The following PCNX2 variants were observed in gnomAD, a reference collection of about 807,000 sequenced individuals.
The protein encoded by PCNX2 is pecanex-like protein 2.
A neutral mutation model predicts 223.8 loss-of-function variants in PCNX2; 168 were observed. The ratio of observed to expected loss-of-function variants is 0.75; its 90% confidence interval spans 0.66 to 0.85. The LOEUF (loss-of-function observed/expected upper bound fraction) is 0.85, where lower values mean the gene tolerates loss of function less well. Among genes scored for constraint, PCNX2 ranks in the 40% least tolerant of loss-of-function variants. The pLI, the probability that PCNX2 is intolerant of heterozygous loss-of-function variation, is 0.00. For missense variants in PCNX2, 2,507 were observed against 2,675.5 expected, an observed-to-expected ratio of 0.94 and a Z score of 1.39; for synonymous variants, 1,006 against 1,052.6, an observed-to-expected ratio of 0.96 and a Z score of 0.86.
intron 25 of PCNX2, among the ~76,000 whole-genome samples, chr1:233,042,375 C>G (rs1671672904): frequency 6.6e-6 from 1 of 152,218 alleles, no homozygotes; most frequent in South Asian, 2.1e-4. Context: ...TGCTTCTTCT[C>G]TGCAGTGGTC....
intron 1 of PCNX2, among the ~76,000 whole-genome samples, chr1:233,275,020 A>G (rs1660836445): frequency 6.6e-6 from 1 of 152,244 alleles, no homozygotes; most frequent in Non-Finnish European, 1.5e-5. Context: ...ATGAAATCAC[A>G]TTTGTGAATG....
chr1:233,017,622 G>A (rs559213444), intron 26 of PCNX2, among the ~76,000 whole-genome samples: 6 of 151,502 alleles, frequency 4.0e-5, no homozygotes, highest in South Asian at 2.1e-4. Flanking sequence ...GGCCTAAAAC[G>A]TCCTCTCTTA....
chr1:233,280,187 C>A (rs1249252913), intron 1 of PCNX2, among the ~76,000 whole-genome samples: 1 of 152,122 alleles, frequency 6.6e-6, no homozygotes, highest in East Asian at 1.9e-4. Context: ...TCAATGGATA[C>A]CTGTTTCTAG....
At chr1:233,214,071 C>T (rs188341622) in intron 12 of PCNX2, among the ~76,000 whole-genome samples, 2 of 151,794 alleles carry the variant, frequency 1.3e-5, no homozygotes, top group African/African-American at 4.8e-5. Flanking sequence ...TTGTGATCCA[C>T]CCTCCTCGGC....
chr1:233,269,722 C>G (rs1324114026), intron 1 of PCNX2, among the ~76,000 whole-genome samples: 1 of 152,154 alleles, frequency 6.6e-6, no homozygotes, highest in Non-Finnish European at 1.5e-5. Flanking sequence ...AAGCATTAAT[C>G]TGCCAAACAT....
chr1:233,045,945 A>G (rs1360941126), intron 25 of PCNX2, among the ~76,000 whole-genome samples: 1 of 152,238 alleles, frequency 6.6e-6, no homozygotes, highest in African/African-American at 2.4e-5. Context: ...CCTTCTCAGA[A>G]GTCTGTGCCC....
intron 23 of PCNX2, among the ~76,000 whole-genome samples, chr1:233,075,614 C>A (rs928679146): frequency 9.9e-5 from 15 of 151,572 alleles, no homozygotes; most frequent in African/African-American, 3.2e-4. Flanking sequence ...AAAATGTTAT[C>A]CCTGGGGGAA....
At chr1:233,242,301 T>A (rs1658818336) in intron 8 of PCNX2, among the ~76,000 whole-genome samples, 1 of 152,198 alleles carries the variant, frequency 6.6e-6, no homozygotes, top group Non-Finnish European at 1.5e-5. Context: ...TCTTATTTTT[T>A]AAATAAAAAC....
At chr1:233,312,219 A>G in the PCNX2 span, among the ~76,000 whole-genome samples, 1 of 152,210 alleles carries the variant, frequency 6.6e-6, no homozygotes, top group Non-Finnish European at 1.5e-5. Context: ...TTAAGCAGAA[A>G]CAAAGGGCAA....
intron 25 of PCNX2, among the ~76,000 whole-genome samples, chr1:233,031,591 A>T (rs1671266054): frequency 6.6e-6 from 1 of 152,178 alleles, no homozygotes; most frequent in Admixed American, 6.5e-5. Context: ...TGAAAACTAC[A>T]ACCTTCAAAT....
the PCNX2 span, among the ~76,000 whole-genome samples, chr1:233,308,521 A>C: frequency 1.3e-5 from 2 of 152,120 alleles, no homozygotes; most frequent in African/African-American, 4.8e-5. Flanking sequence ...AAAAGGTAAG[A>C]AGCCCCAAAA....
intron 12 of PCNX2, chr1:233,211,657 G>T: frequency 6.6e-6 from 3 of 451,376 alleles, no homozygotes; most frequent in Non-Finnish European, 8.8e-6. Context: ...AAACAGCATG[G>T]CAGAGTAAGG....
rs115583925 is a variant in PCNX2, at chr1:233,257,301, C to T, written c.1834+727G>A. 1.7e-3 allele frequency among the ~76,000 whole-genome samples: 259 copies of T among 151,754 alleles called. 1 individual carries two copies. The highest frequency in any genetic ancestry group is 6.1e-3 in the African/African-American group (250 of 41,308). The stretch of plus-strand genomic sequence containing the variant: ...CAAGTGAAAATTTCTGAGACTCATC[C>T]GAAGAACAGGAAGGATGATGGTATA... On this transcript the variant is annotated intron_variant, in intron 5 of 33. Coordinates refer to ENST00000258229, the MANE Select transcript of PCNX2 (RefSeq NM_014801.4).
intron 13 of PCNX2, among the ~76,000 whole-genome samples, chr1:233,200,936 G>A (rs1681053731): frequency 6.7e-6 from 1 of 148,304 alleles, no homozygotes; most frequent in African/African-American, 2.5e-5. Context: ...TGAGGCAGGA[G>A]AATGGCGTGA....
At chr1:233,224,394 G>A (rs1279406096) in intron 10 of PCNX2, among the ~76,000 whole-genome samples, 1 of 152,192 alleles carries the variant, frequency 6.6e-6, no homozygotes, top group Non-Finnish European at 1.5e-5. Flanking sequence ...CAAAGACTAA[G>A]AAAACATTTT....
intron 25 of PCNX2, among the ~76,000 whole-genome samples, chr1:233,038,746 C>T (rs924637022): frequency 6.6e-6 from 1 of 152,194 alleles, no homozygotes; most frequent in Admixed American, 6.5e-5. Flanking sequence ...AAAGCTATTG[C>T]TCTGCATGGA....
At chr1:233,125,354 A>C (rs1007749689) in intron 21 of PCNX2, among the ~76,000 whole-genome samples, 1 of 152,140 alleles carries the variant, frequency 6.6e-6, no homozygotes, top group Non-Finnish European at 1.5e-5. Context: ...CATCCTTGTT[A>C]GTAGCAATAG....
chr1:233,295,964 C>T (rs28413982), upstream of PCNX2, among the ~76,000 whole-genome samples: 4 of 144,782 alleles, frequency 2.8e-5, no homozygotes, highest in African/African-American at 2.6e-5. The surrounding 1 kb of genome is among the most constrained non-coding windows in gnomAD (Gnocchi z 4.1). Context: ...CTCTCTCTCT[C>T]TCTCTTTCTT....
chr1:233,137,949 A>G (rs1283366532), intron 20 of PCNX2, among the ~76,000 whole-genome samples: 1 of 152,220 alleles, frequency 6.6e-6, no homozygotes, highest in Admixed American at 6.5e-5. Flanking sequence ...TATTTAGTAC[A>G]ATGGCTCTCA....
Sources: gnomAD v4.1 joint callset for allele counts (sites outside exome capture counted in the v4.1 genomes callset) on GRCh38, gnomAD v4.1.1 for gene constraint, Gnocchi (gnomAD v3.1) non-coding constraint, MANE v1.5 for transcripts, NCBI Gene and HGNC (gene_info 2026-07-23, HGNC 2026-07-21) for gene names.